Variants in TRIP11 observed in about 807,000 individuals in gnomAD.
TRIP11 encodes thyroid receptor-interacting protein 11.
A neutral mutation model predicts 223.1 loss-of-function variants in TRIP11; 148 were observed. That is an observed-to-expected ratio of 0.66 (90% CI 0.58 to 0.76). The LOEUF (loss-of-function observed/expected upper bound fraction) is 0.76, where lower values mean the gene tolerates loss of function less well. Among genes scored for constraint, TRIP11 ranks in the 30% least tolerant of loss-of-function variants. The pLI is 0.00. For synonymous variants in TRIP11, 762 were observed against 772.6 expected, an observed-to-expected ratio of 0.99 and a Z score of 0.23; for missense variants, 2,043 against 2,222.0, an observed-to-expected ratio of 0.92 and a Z score of 1.62.
At chr14:92,008,540 T>C (rs181935324) in intron 9 of TRIP11, among the ~76,000 whole-genome samples, 2 of 152,358 alleles carry the variant, frequency 1.3e-5, no homozygotes, top group African/African-American at 4.8e-5. Flanking sequence ...TATAGTCTAC[T>C]ACCTGGTATT....
intron 3 of TRIP11, among the ~76,000 whole-genome samples, chr14:92,024,700 G>C (rs1158872994): frequency 1.3e-5 from 2 of 152,110 alleles, no homozygotes; most frequent in Non-Finnish European, 2.9e-5. Context: ...AATATAACAG[G>C]AAATGGTTCC....
chr14:92,037,621 C>G lies in TRIP11; in HGVS notation c.139+1926G>C, dbSNP rs979576771. Among the ~76,000 whole-genome samples, 7 of 152,224 alleles carry G rather than the reference C, an allele frequency of 4.6e-5. No individual in the cohort carries two copies. The highest frequency in any genetic ancestry group is 1.0e-4 in the Non-Finnish European group (7 of 68,036). ...GGGTGCGGTGGCTCACGCCTGTAAT[C>G]CCAGCACTCTGGGAGGCCAAGGCAG... is the stretch of plus-strand genomic sequence containing the variant. On this transcript the variant is annotated intron_variant, in intron 1 of 20. Coordinates refer to ENST00000267622, the MANE Select transcript of TRIP11 (RefSeq NM_004239.4). The surrounding 1 kb of genome is among the most constrained non-coding windows in gnomAD (Gnocchi z 4.2).
At chr14:92,032,054 C>T (rs2057272308) in intron 2 of TRIP11, among the ~76,000 whole-genome samples, 1 of 152,190 alleles carries the variant, frequency 6.6e-6, no homozygotes, top group South Asian at 2.1e-4. Context: ...CCCACCTCCA[C>T]CTCCCAAAGC....
At position 92,003,855 on chromosome 14, in the gene TRIP11, G is replaced by C. The variant is rs905159662; in HGVS notation, c.4121C>G (p.Ser1374Cys). Residue 1374 changes from serine to cysteine, a missense_variant, in exon 11 of 21, where the codon TCT (serine) becomes TGT (cysteine). By Grantham distance (112) the Ser-to-Cys change is moderately radical. Transcript: ENST00000267622. ...RTLQENNHRL[S>C]DSIAATSELE... ...CTCTGAGGTGGCAGCAATCGAATCA[G>C]ACAATCTGTGGTTATTTTCCTGGAG... is the stretch of plus-strand genomic sequence containing the variant. 4.3e-6 allele frequency: 7 copies of C among 1,613,874 alleles called. No individual in the cohort carries two copies. The highest frequency in any genetic ancestry group is 5.9e-6 in the Non-Finnish European group (7 of 1,180,022).
chr14:91,968,901 G>C lies in TRIP11; in HGVS notation c.*772C>G, dbSNP rs1377932926. The C allele has an allele frequency of 4.3e-6, 1 of 232,826 alleles. No individual in the cohort carries two copies. The highest frequency in any genetic ancestry group is 2.2e-5 in the African/African-American group (1 of 45,254). 14.4% of individuals were successfully genotyped at this position (232,826 alleles called of 1,614,324 possible). ...ATGATTATGAGAGGGCAACACAGGG[G>C]GATGCTTGTAATGGAAGTCTTCCGT... On this transcript the variant is annotated 3_prime_UTR_variant, in exon 21 of 21. Transcript: ENST00000267622.
At chr14:91,982,472 A>G (rs938758662) in intron 16 of TRIP11, among the ~76,000 whole-genome samples, 6 of 152,110 alleles carry the variant, frequency 3.9e-5, no homozygotes, top group African/African-American at 1.2e-4. Context: ...GGGAAAAGGG[A>G]GAGGGGGAGA....
chr14:92,000,653 A>G (rs1336875728), intron 11 of TRIP11, among the ~76,000 whole-genome samples: 5 of 152,226 alleles, frequency 3.3e-5, no homozygotes, highest in African/African-American at 1.2e-4. Flanking sequence ...AATTTACCCT[A>G]TACAACAAAG....
chr14:92,013,073 C>G (rs1354656813), intron 7 of TRIP11, among the ~76,000 whole-genome samples: 1 of 152,118 alleles, frequency 6.6e-6, no homozygotes, highest in Non-Finnish European at 1.5e-5. Context: ...TCGAGATCAT[C>G]CTGGCCAACA....
intron 4 of TRIP11, among the ~76,000 whole-genome samples, chr14:92,018,514 A>T (rs2057065279): frequency 6.6e-6 from 1 of 152,170 alleles, no homozygotes; most frequent in South Asian, 2.1e-4. Context: ...ATCTTTATTA[A>T]TATTACTATG....
chr14:92,005,021 G>A lies in TRIP11; in HGVS notation c.2955C>T (p.Asp985=). ...IKTQLHEERQ[D]IQTDNSDIFQ... Reference sequence around the variant, plus strand: ...AAATATCAGAGTTATCTGTTTGAATGTCCTGTCTTTCTTCATGCAACTGGG... The same window carrying A: ...AAATATCAGAGTTATCTGTTTGAATATCCTGTCTTTCTTCATGCAACTGGG... Residue 985 remains aspartate (D), a synonymous_variant, in exon 11 of 21, where the codon GAC becomes GAT. Transcript: ENST00000267622. The A allele has an allele frequency of 1.9e-6, 3 of 1,613,970 alleles. No individual in the cohort carries two copies. The highest frequency in any genetic ancestry group is 2.5e-6 in the Non-Finnish European group (3 of 1,180,030).
chr14:91,972,899 TTAAG>T (rs2056417027), intron 19 of TRIP11, 38 bp from the exon 20 acceptor site: 1 of 1,526,976 alleles, frequency 6.5e-7, no homozygotes. Context: ...GGCTAGATAA[TTAAG>T]TTATATTCAC....
At chr14:92,016,598 A>T (rs1339267735) in intron 5 of TRIP11, among the ~76,000 whole-genome samples, 1 of 152,166 alleles carries the variant, frequency 6.6e-6, no homozygotes, top group Non-Finnish European at 1.5e-5. Context: ...CAAGAATCCT[A>T]ATCTACAGAA....
At chr14:91,984,660 G>A (rs1040411582) in intron 16 of TRIP11, among the ~76,000 whole-genome samples, 1 of 152,130 alleles carries the variant, frequency 6.6e-6, no homozygotes, top group African/African-American at 2.4e-5. Context: ...GATGATGGCA[G>A]AGAACAAGAA....
intron 14 of TRIP11, among the ~76,000 whole-genome samples, chr14:91,994,258 CTTTT>C (rs539125037): frequency 4.7e-5 from 6 of 127,444 alleles, no homozygotes; most frequent in African/African-American, 9.8e-5. Flanking sequence ...ACCTCAAAAA[CTTTT>C]TTTTTTTTTT....
chr14:92,017,844 A>ATG, intron 4 of TRIP11, 94 bp from the exon 5 acceptor site: 1 of 1,122,758 alleles, frequency 8.9e-7, no homozygotes, highest in Non-Finnish European at 1.3e-6. Flanking sequence ...TACTTTTGTA[A>ATG]AAAGGGGGAT....
At chr14:92,023,357 G>C (rs1174721614) in intron 3 of TRIP11, among the ~76,000 whole-genome samples, 2 of 152,134 alleles carry the variant, frequency 1.3e-5, no homozygotes, top group Admixed American at 6.6e-5. Context: ...AGATATCTTG[G>C]GGATGGGACC....
chr14:92,005,589 A>G lies in TRIP11; in HGVS notation c.2387T>C (p.Leu796Ser), dbSNP rs1443060569. Residue 796 changes from leucine to serine, a missense_variant, in exon 11 of 21, where the codon TTG (leucine) becomes TCG (serine). Physicochemically the swap from Leu to Ser is moderately radical, Grantham distance 145. Transcript: ENST00000267622. ...CTTCTGCTCTTCTAAACTAGATGAC[A>G]AAACGTCCTTAGTTTCTTTATGGTC... is the stretch of plus-strand genomic sequence containing the variant. ...DTDHKETKDV[L>S]SSSLEEQKQL... is the part of the protein sequence containing the mutation. 1.2e-6 allele frequency: 2 copies of G among 1,613,426 alleles called. No individual in the cohort carries two copies. The highest frequency in any genetic ancestry group is 1.7e-6 in the Non-Finnish European group (2 of 1,179,956).
At chr14:91,981,676 G>A (rs139992310) in intron 16 of TRIP11, among the ~76,000 whole-genome samples, 19 of 152,280 alleles carry the variant, frequency 1.2e-4, no homozygotes, top group Non-Finnish European at 2.8e-4. Context: ...TACAGGCATG[G>A]GCCACCGTGC....
At chr14:91,989,387 A>C (rs2056645437) in intron 15 of TRIP11, among the ~76,000 whole-genome samples, 1 of 151,882 alleles carries the variant, frequency 6.6e-6, no homozygotes, top group Non-Finnish European at 1.5e-5. Flanking sequence ...TAATTAGATA[A>C]GCTATCCTTT....
Sources: gnomAD v4.1 joint callset for allele counts (sites outside exome capture counted in the v4.1 genomes callset) on GRCh38, gnomAD v4.1.1 for gene constraint, Gnocchi (gnomAD v3.1) non-coding constraint, MANE v1.5 for transcripts, NCBI Gene and HGNC (gene_info 2026-07-23, HGNC 2026-07-21) for gene names.